The following ADGRG7 variants were observed in gnomAD, a reference collection of about 807,000 sequenced individuals.
The protein encoded by ADGRG7 is G-protein coupled receptor 128.
A neutral mutation model predicts 88.6 loss-of-function variants in ADGRG7; 82 were observed. That is an observed-to-expected ratio of 0.93 (90% CI 0.77 to 1.11). The LOEUF (loss-of-function observed/expected upper bound fraction) is 1.11. Among genes scored for constraint, ADGRG7 ranks in the 50% most tolerant of loss-of-function variants. ADGRG7 has a pLI of 0.00. For missense variants in ADGRG7, 945 were observed against 953.4 expected (o/e 0.99, Z 0.12); for synonymous variants, 381 against 345.2 (o/e 1.10, Z -1.15).
At chr3:100,642,743 G>T (rs1576321544) in intron 6 of ADGRG7, among the ~76,000 whole-genome samples, 1 of 152,180 alleles carries the variant, frequency 6.6e-6, no homozygotes, top group Non-Finnish European at 1.5e-5. Context: ...AACCTTCAGG[G>T]TTTAGTTCAT....
In ADGRG7 at chr3:100,611,250, TC is replaced by T. The variant is rs60258422; in HGVS notation, c.115+1281del. Among the ~76,000 whole-genome samples the T allele has an allele frequency of 4.3e-4, 38 of 88,928 alleles. 3 individuals are homozygous for T. Among genetic ancestry groups the T allele is most frequent in the South Asian group, 9.9e-4 (2 of 2,024 alleles). The allele number at this position is 88,928 out of a possible 152,430, so 58.3% of individuals were successfully genotyped here. The stretch of plus-strand genomic sequence containing the variant: ...AAAGTTTTGTTTGTTTGTTTTTCCT[TC>T]CTTCCTTCCTTCCTTCCTTCCTTCC... On this transcript the variant is annotated intron_variant, in intron 1 of 15. Transcript: ENST00000273352.
intron 6 of ADGRG7, among the ~76,000 whole-genome samples, chr3:100,639,010 CTGTGTGTGTGTGTGTGTG>C (rs56088926): frequency 0.48 from 71,180 of 146,858 alleles, 18,353 homozygotes; most frequent in South Asian, 0.71. Context: ...CCCTCTGTTT[CTGTGTGTGTGTGTGTGTG>C]TGTGTGTGTG....
At chr3:100,640,664 G>A (rs567475374) in intron 6 of ADGRG7, among the ~76,000 whole-genome samples, 22 of 152,224 alleles carry the variant, frequency 1.4e-4, no homozygotes, top group African/African-American at 5.3e-4. Context: ...TGGGATTACA[G>A]GCATGCACAA....
intron 14 of ADGRG7, among the ~76,000 whole-genome samples, chr3:100,661,402 CT>C (rs1239032220): frequency 2.0e-5 from 3 of 152,162 alleles, no homozygotes; most frequent in Non-Finnish European, 4.4e-5. Flanking sequence ...GGGACTATAT[CT>C]TTTTTTCTTT....
chr3:100,620,738 T>TA, intron 1 of ADGRG7, among the ~76,000 whole-genome samples: 1 of 152,144 alleles, frequency 6.6e-6, no homozygotes, highest in East Asian at 1.9e-4. Flanking sequence ...GAAAGAATTA[T>TA]TAAATCGTAT....
chr3:100,663,465 A>G (rs529649322), intron 14 of ADGRG7, among the ~76,000 whole-genome samples: 3 of 152,068 alleles, frequency 2.0e-5, no homozygotes, highest in Non-Finnish European at 2.9e-5. Context: ...CTCTCTGGAA[A>G]TTGGAATAAA....
intron 15 of ADGRG7, among the ~76,000 whole-genome samples, chr3:100,692,517 G>A (rs4928081): frequency 0.67 from 101,295 of 152,026 alleles, 33,955 homozygotes; most frequent in South Asian, 0.83. Context: ...TCGTAACAAA[G>A]TGTTAATGGT....
chr3:100,682,551 A>G (rs999684548), intron 15 of ADGRG7, among the ~76,000 whole-genome samples: 2 of 152,144 alleles, frequency 1.3e-5, no homozygotes, highest in African/African-American at 4.8e-5. Context: ...GACGTTTCCA[A>G]TGGCCAGGCC....
intron 15 of ADGRG7, among the ~76,000 whole-genome samples, chr3:100,688,690 A>C (rs1243960512): frequency 6.6e-6 from 1 of 152,122 alleles, no homozygotes; most frequent in Non-Finnish European, 1.5e-5. Flanking sequence ...AGCGGTTTTG[A>C]GTGAGTTTCT....
At chr3:100,621,158 C>A (rs1382244513) in intron 1 of ADGRG7, among the ~76,000 whole-genome samples, 3 of 152,032 alleles carry the variant, frequency 2.0e-5, no homozygotes, top group African/African-American at 7.2e-5. Context: ...CTTCTCAGGC[C>A]TCTCTATTCC....
Position 100,632,653 on chromosome 3 carries a change from A to G in ADGRG7, c.335-612A>G, listed in dbSNP as rs572767558. Reference sequence around the variant, plus strand: ...AGCAATCTCTAATTTCAGTGTTTCTAGTTGTTGTCCCAAGAAGGAGCTGCC... The same window carrying G: ...AGCAATCTCTAATTTCAGTGTTTCTGGTTGTTGTCCCAAGAAGGAGCTGCC... On this transcript the variant is annotated intron_variant, in intron 3 of 15. Transcript: ENST00000273352. Among the ~76,000 whole-genome samples, 35 of 152,282 alleles carry G rather than the reference A, an allele frequency of 2.3e-4. No individual in the cohort carries two copies. The East Asian group carries it at 2.3e-3, about 10-fold the overall frequency.
At chr3:100,658,312 G>A (rs1490387077) in intron 13 of ADGRG7, among the ~76,000 whole-genome samples, 5 of 152,116 alleles carry the variant, frequency 3.3e-5, no homozygotes, top group African/African-American at 1.2e-4. Context: ...CTAGGTATTA[G>A]GTTGGTGCAA....
At chr3:100,665,378 T>C in intron 14 of ADGRG7, 1 of 540,626 alleles carries the variant, frequency 1.8e-6, no homozygotes, top group Admixed American at 1.9e-5. Flanking sequence ...TCAATCTTCA[T>C]TACAATAGAA....
At chr3:100,611,684 T>TTA (rs1429553129) in intron 1 of ADGRG7, among the ~76,000 whole-genome samples, 1 of 152,206 alleles carries the variant, frequency 6.6e-6, no homozygotes, top group African/African-American at 2.4e-5. Flanking sequence ...CAATTGGCTG[T>TTA]TTATATAAGG....
intron 10 of ADGRG7, among the ~76,000 whole-genome samples, chr3:100,648,263 G>A (rs1707789220): frequency 6.6e-6 from 1 of 151,976 alleles, no homozygotes; most frequent in African/African-American, 2.4e-5. Context: ...ACCTACATTT[G>A]TAATTAGTTT....
intron 15 of ADGRG7, among the ~76,000 whole-genome samples, chr3:100,689,735 G>A (rs552408708): frequency 2.6e-5 from 4 of 152,282 alleles, no homozygotes; most frequent in East Asian, 3.9e-4. Flanking sequence ...AGTTTCTGCC[G>A]AGAGATGTGC....
intron 11 of ADGRG7, 166 bp from the exon 12 acceptor site, chr3:100,654,669 T>C: frequency 1.8e-6 from 1 of 549,618 alleles, no homozygotes; most frequent in South Asian, 2.7e-5. Context: ...AAGTATAGTT[T>C]TCTGATGTAA....
At chr3:100,647,639 C>T (rs986694179) in intron 10 of ADGRG7, among the ~76,000 whole-genome samples, 2 of 152,172 alleles carry the variant, frequency 1.3e-5, no homozygotes, top group African/African-American at 4.8e-5. Flanking sequence ...GGTTCTTGTG[C>T]TGACCTTTGT....
chr3:100,685,481 C>T (rs894932602), intron 15 of ADGRG7, among the ~76,000 whole-genome samples: 1 of 151,966 alleles, frequency 6.6e-6, no homozygotes, highest in African/African-American at 2.4e-5. Flanking sequence ...CCCATTAAGT[C>T]GTCATTTAGC....
Sources: gnomAD v4.1 joint callset for allele counts (sites outside exome capture counted in the v4.1 genomes callset) on GRCh38, gnomAD v4.1.1 for gene constraint, MANE v1.5 for transcripts, NCBI Gene and HGNC (gene_info 2026-07-23, HGNC 2026-07-21) for gene names.